The following CUL1 variants were observed in gnomAD, a reference collection of about 807,000 sequenced individuals.
CUL1 encodes the protein cullin-1.
In CUL1, 24 loss-of-function variants were observed where a neutral mutation model predicts 118.0. That is an observed-to-expected ratio of 0.20 (90% confidence interval 0.15 to 0.29). CUL1 has a LOEUF of 0.29. Ranked by LOEUF, CUL1 falls within the 10% of genes least tolerant of loss-of-function variation. CUL1 has a pLI of 1.00. For missense variants in CUL1, 361 were observed against 933.8 expected (o/e 0.39, Z 7.99); for synonymous variants, 332 against 340.4 (o/e 0.98, Z 0.27).
chr7:148,697,878 C>A (rs1797574533), upstream of CUL1: 1 of 152,182 alleles, frequency 6.6e-6, no homozygotes, highest in Non-Finnish European at 1.5e-5. Flanking sequence ...CAGTTAATTT[C>A]AAATGAGATG....
intron 17 of CUL1, among the ~76,000 whole-genome samples, chr7:148,797,421 G>A (rs1397558376): frequency 6.8e-6 from 1 of 147,562 alleles, no homozygotes; most frequent in Non-Finnish European, 1.5e-5. Context: ...AAATGCTCAT[G>A]GCGCAGTTGA....
chr7:148,788,498 C>T (rs1763501582), intron 13 of CUL1, 59 bp from the exon 14 acceptor site: 4 of 1,062,994 alleles, frequency 3.8e-6, no homozygotes, highest in Non-Finnish European at 2.9e-6. Flanking sequence ...CTAAGATTCC[C>T]TTGTATACAT....
intron 9 of CUL1, among the ~76,000 whole-genome samples, chr7:148,775,791 A>G (rs1261625626): frequency 6.6e-6 from 1 of 152,158 alleles, no homozygotes; most frequent in Non-Finnish European, 1.5e-5. Flanking sequence ...TAAAACTTTT[A>G]AAGAATACAT....
chr7:148,778,879 A>G (rs1375496860), intron 9 of CUL1, among the ~76,000 whole-genome samples: 1 of 152,168 alleles, frequency 6.6e-6, no homozygotes, highest in Admixed American at 6.5e-5. Context: ...ATGTAGATGA[A>G]ATGGTGAAGG....
intron 1 of CUL1, among the ~76,000 whole-genome samples, chr7:148,714,919 C>T (rs1279517894): frequency 6.6e-6 from 1 of 151,924 alleles, no homozygotes; most frequent in Non-Finnish European, 1.5e-5. Context: ...AGGGTCTTGC[C>T]CTGTCCCTCA....
At chr7:148,780,969 C>A (rs117974919) in intron 9 of CUL1, among the ~76,000 whole-genome samples, 1 of 151,542 alleles carries the variant, frequency 6.6e-6, no homozygotes, top group Admixed American at 6.6e-5. Flanking sequence ...CTGACTAGTT[C>A]CTTAAAATTC....
chr7:148,722,993 T>C (rs764970112), intron 1 of CUL1, among the ~76,000 whole-genome samples: 3 of 152,264 alleles, frequency 2.0e-5, no homozygotes, highest in Middle Eastern at 3.2e-3. Context: ...CCTCCCCACC[T>C]GTTCCAGTTA....
In CUL1 at chr7:148,769,272, A is replaced by G. The variant is rs1301482509; in HGVS notation, c.1083+1523A>G. ...AAATCAGGGCACATAATTGCTCAGC[A>G]GTGATGACTGCTGCACGTTCTTATG... On this transcript the variant is annotated intron_variant, in intron 9 of 21. Transcript: ENST00000325222. Among the ~76,000 whole-genome samples, 4 of 152,324 alleles carry G rather than the reference A, an allele frequency of 2.6e-5. No homozygotes were observed. In the East Asian group the frequency reaches 7.7e-4, roughly 29 times the overall value.
intron 11 of CUL1, among the ~76,000 whole-genome samples, chr7:148,785,615 C>T (rs1443407016): frequency 4.0e-5 from 6 of 151,512 alleles, no homozygotes; most frequent in Non-Finnish European, 8.8e-5. Flanking sequence ...CCACCCGCCT[C>T]AGCCTCCCAA....
chr7:148,736,080 A>G (rs1292986943), intron 2 of CUL1, among the ~76,000 whole-genome samples: 2 of 151,570 alleles, frequency 1.3e-5, no homozygotes, highest in Non-Finnish European at 2.9e-5. Flanking sequence ...AGGCTGAGGC[A>G]GGAGAAACAC....
rs1165016693 is a variant in CUL1, at chr7:148,787,552, C to G, written c.1479+432C>G. On this transcript the variant is annotated intron_variant, in intron 13 of 21. Transcript: ENST00000325222. This position sits in a 1 kb window ranked among gnomAD's most constrained non-coding sequence, Gnocchi z 5.5. ...GTTTGTACAAGAAGCTCTGCCACTGCTCTTCTGAAAGCCTCCCACAACTAT... is the reference window on the plus strand; with the variant it reads ...GTTTGTACAAGAAGCTCTGCCACTGGTCTTCTGAAAGCCTCCCACAACTAT... 2.6e-5 allele frequency among the ~76,000 whole-genome samples: 4 copies of G among 152,192 alleles called. No individual in the cohort carries two copies. The highest frequency in any genetic ancestry group is 5.9e-5 in the Non-Finnish European group (4 of 68,024).
chr7:148,728,188 G>A (rs1408547989), intron 1 of CUL1, among the ~76,000 whole-genome samples: 1 of 152,208 alleles, frequency 6.6e-6, no homozygotes, highest in South Asian at 2.1e-4. Context: ...TTTCTGACTT[G>A]TGGATACATG....
Position 148,776,307 on chromosome 7 carries a change from CTTTTTTTTTTTTTTTT to C in CUL1, c.1084-7464_1084-7449del, listed in dbSNP as rs746777462. Among the ~76,000 whole-genome samples the C allele has an allele frequency of 3.7e-4, 15 of 40,690 alleles. 1 individual carries two copies. In the East Asian group the frequency reaches 0.013, roughly 35 times the overall value. The allele number at this position is 40,690 out of a possible 152,430, so 26.7% of individuals were successfully genotyped here. ...CATTTTGGAGTCTAACATAACCAGGCTTTTTTTTTTTTTTTTTTTTTTTTTTTGAGATGGAGTCTCA... is the reference window on the plus strand; with the variant it reads ...CATTTTGGAGTCTAACATAACCAGGCTTTTTTTTTTTGAGATGGAGTCTCA... On this transcript the variant is annotated intron_variant, in intron 9 of 21. Transcript: ENST00000325222.
intron 1 of CUL1, among the ~76,000 whole-genome samples, chr7:148,728,571 A>G (rs553441075): frequency 1.3e-5 from 2 of 152,342 alleles, no homozygotes; most frequent in South Asian, 4.1e-4. Flanking sequence ...AAACATTTCC[A>G]GAGTGGTTGC....
At chr7:148,726,178 T>C (rs1798576355) in intron 1 of CUL1, among the ~76,000 whole-genome samples, 2 of 152,152 alleles carry the variant, frequency 1.3e-5, no homozygotes, top group Admixed American at 6.5e-5. Context: ...GAATCAGAAA[T>C]GTAATAAAAA....
chr7:148,719,501 C>T (rs1266748622), intron 1 of CUL1, among the ~76,000 whole-genome samples: 1 of 152,104 alleles, frequency 6.6e-6, no homozygotes, highest in African/African-American at 2.4e-5. Flanking sequence ...CAGTAACGAA[C>T]TTATGAAGTC....
At position 148,797,998 on chromosome 7, in the gene CUL1, A is replaced by T. The variant is rs1451120486; in HGVS notation, c.2009A>T (p.Lys670Ile). 1.2e-6 allele frequency: 2 copies of T among 1,606,292 alleles called. No individual in the cohort carries two copies. The highest frequency in any genetic ancestry group is 1.7e-6 in the Non-Finnish European group (2 of 1,174,054). ...EVELKPDTLI[K>I]LYLGYKNKKL... Reference sequence around the variant, plus strand: ...GAATTGAAGCCAGATACCTTAATAAAATTATATCTTGGTTATAAAAAGTAA... The same window carrying T: ...GAATTGAAGCCAGATACCTTAATAATATTATATCTTGGTTATAAAAAGTAA... Residue 670 changes from lysine (K) to isoleucine (I), a missense_variant, in exon 19 of 22, where the codon AAA (lysine) becomes ATA (isoleucine). Coordinates refer to ENST00000325222, the MANE Select transcript of CUL1 (RefSeq NM_003592.3).
intron 2 of CUL1, among the ~76,000 whole-genome samples, chr7:148,744,880 CTTTTTTTCTTTCAGCATT>C (rs2129460044): frequency 6.6e-6 from 1 of 152,220 alleles, no homozygotes; most frequent in African/African-American, 2.4e-5. Context: ...ACTACAATTA[CTTTTTTTCTTTCAGCATT>C]TTTTTTTCTT....
At chr7:148,789,949 A>G in intron 15 of CUL1, 123 bp downstream of exon 15, 1 of 891,014 alleles carries the variant, frequency 1.1e-6, no homozygotes, top group African/African-American at 1.6e-5. Context: ...ATCACGGTGA[A>G]CCATGGGGGC....
Sources: allele counts gnomAD v4.1 joint callset (sites outside exome capture counted in the v4.1 genomes callset), GRCh38; gene constraint gnomAD v4.1.1; non-coding constraint Gnocchi (gnomAD v3.1); transcripts MANE v1.5; gene names NCBI Gene and HGNC (gene_info 2026-07-23, HGNC 2026-07-21).